Variants in PLA2R1 observed in about 807,000 individuals in gnomAD.
The protein encoded by PLA2R1 is secretory phospholipase A2 receptor.
Under a neutral mutation model 195.9 loss-of-function variants are expected in PLA2R1, and 158 were observed. That is an observed-to-expected ratio of 0.81 (90% confidence interval 0.71 to 0.92). The LOEUF (loss-of-function observed/expected upper bound fraction) is 0.92. PLA2R1 is among the 40% of genes least tolerant of loss of function. PLA2R1 has a pLI of 0.00. For synonymous variants in PLA2R1, 586 were observed against 598.2 expected (o/e 0.98, Z 0.30); for missense variants, 1,626 against 1,764.6 (o/e 0.92, Z 1.41).
chr2:159,928,554 A>G (rs1273146430), downstream of PLA2R1, among the ~76,000 whole-genome samples: 1 of 152,254 alleles, frequency 6.6e-6, no homozygotes, highest in Non-Finnish European at 1.5e-5. Context: ...GATAGGTGGA[A>G]TCAATATTGT....
intron 17 of PLA2R1, among the ~76,000 whole-genome samples, chr2:159,971,092 A>G (rs112809877): frequency 1.6e-4 from 25 of 152,334 alleles, no homozygotes; most frequent in African/African-American, 5.8e-4. Flanking sequence ...CCCAGAACTT[A>G]AAGTATAATA....
rs555088444 is a variant in PLA2R1 at position 160,043,141 on chromosome 2, C to T, written c.494-943G>A. Among the ~76,000 whole-genome samples the T allele has an allele frequency of 3.7e-4, 57 of 152,220 alleles. 1 individual carries two copies. The highest frequency in any genetic ancestry group is 1.3e-3 in the African/African-American group (54 of 41,540). On this transcript the variant is annotated intron_variant, in intron 2 of 29. Coordinates refer to ENST00000283243, the MANE Select transcript of PLA2R1 (RefSeq NM_007366.5). The stretch of plus-strand genomic sequence containing the variant: ...TGTCAGTGCACATAGAGCTGTCTCC[C>T]CGCCATACTGCGGGCTTTGGCCTCT...
intron 8 of PLA2R1, among the ~76,000 whole-genome samples, chr2:160,017,822 T>C (rs80271049): frequency 0.039 from 5,866 of 152,278 alleles, 135 homozygotes; most frequent in African/African-American, 0.058. Context: ...AGCCCTTCCA[T>C]GACCCTTAGA....
At chr2:159,955,590 ATAAATT>A (rs1435662551) in intron 22 of PLA2R1, 102 bp downstream of exon 22, 22 of 448,310 alleles carry the variant, frequency 4.9e-5, no homozygotes, top group African/African-American at 4.3e-4. Context: ...AAAAACTAAT[ATAAATT>A]TATACCTACA....
chr2:160,026,528 G>A (rs983452653), intron 6 of PLA2R1, among the ~76,000 whole-genome samples: 1 of 152,146 alleles, frequency 6.6e-6, no homozygotes, highest in Non-Finnish European at 1.5e-5. Context: ...ACAGTGCCAT[G>A]ATGTTTTGGA....
At chr2:159,960,526 T>C (rs1688369849) in intron 20 of PLA2R1, among the ~76,000 whole-genome samples, 1 of 152,090 alleles carries the variant, frequency 6.6e-6, no homozygotes, top group Non-Finnish European at 1.5e-5. Flanking sequence ...ATGCACAAAA[T>C]CAAATATTGA....
At position 160,042,097 on chromosome 2, in the gene PLA2R1, C is replaced by A; in HGVS notation, c.595G>T (p.Asp199Tyr). ...GTCGTGGCACACCACAGTAAGTCAT[C>A]TTCCCGACCTTCACGGGTACATTCA... ...HHECTREGRE[D>Y]DLLWCATTSR... Residue 199 changes from aspartate (D) to tyrosine (Y), a missense_variant, in exon 3 of 30, where the codon GAT (aspartate) becomes TAT (tyrosine). Transcript: ENST00000283243. The A allele has an allele frequency of 6.2e-7, 1 of 1,614,246 alleles. No individual in the cohort carries two copies. Among genetic ancestry groups the A allele is most frequent in the Non-Finnish European group, 8.5e-7 (1 of 1,180,022 alleles).
chr2:159,934,406 T>C lies in PLA2R1; in HGVS notation c.*7372A>G, dbSNP rs961208480. The C allele has an allele frequency of 6.6e-6, 1 of 152,188 alleles. No individual in the cohort carries two copies. The highest frequency in any genetic ancestry group is 2.4e-5 in the African/African-American group (1 of 41,432). 9.4% of individuals were successfully genotyped at this position (152,188 alleles called of 1,614,324 possible). ...TACAGCGGATGGTGTGTTAGGTAAG[T>C]TGGAGACACACAGGGTTTTGCCCTG... On this transcript the variant is annotated 3_prime_UTR_variant, in exon 30 of 30. Transcript: ENST00000283243.
At chr2:159,949,908 T>C in intron 24 of PLA2R1, 132 bp from the exon 25 acceptor site, 1 of 659,374 alleles carries the variant, frequency 1.5e-6, no homozygotes. Flanking sequence ...GGCTAGGACA[T>C]CTGTGAATAC....
At chr2:159,957,351 C>A (rs1688157095) in intron 20 of PLA2R1, among the ~76,000 whole-genome samples, 1 of 152,060 alleles carries the variant, frequency 6.6e-6, no homozygotes, top group Non-Finnish European at 1.5e-5. Context: ...GGTTTCTTTT[C>A]TTTTCTTTTT....
intron 6 of PLA2R1, among the ~76,000 whole-genome samples, chr2:160,025,900 T>G (rs769089346): frequency 3.9e-5 from 6 of 152,172 alleles, no homozygotes; most frequent in African/African-American, 7.2e-5. Context: ...GGAAAAAGGA[T>G]ACAAGTAGCA....
the PLA2R1 span, among the ~76,000 whole-genome samples, chr2:159,924,738 G>GGC: frequency 2.1e-5 from 3 of 142,060 alleles, no homozygotes; most frequent in Non-Finnish European, 4.5e-5. Context: ...CTGGGGGGGG[G>GGC]GCGGTGCGAA....
intron 23 of PLA2R1, among the ~76,000 whole-genome samples, chr2:159,954,090 C>T (rs1432453484): frequency 6.6e-6 from 1 of 152,152 alleles, no homozygotes; most frequent in Non-Finnish European, 1.5e-5. Context: ...CGCCTTGGTC[C>T]CCCAAAGGCT....
Position 159,996,142 on chromosome 2 carries a change from T to C in PLA2R1, c.1835-8784A>G, listed in dbSNP as rs139906779. ...TTCTCTGATGCTCCTTCTTTCTTTATATAGATCTGAGCTTCTATATCATTT... is the reference window on the plus strand; with the variant it reads ...TTCTCTGATGCTCCTTCTTTCTTTACATAGATCTGAGCTTCTATATCATTT... On this transcript the variant is annotated intron_variant, in intron 11 of 29. Coordinates refer to ENST00000283243, the MANE Select transcript of PLA2R1 (RefSeq NM_007366.5). Among the ~76,000 whole-genome samples, 757 of 152,250 alleles carry C rather than the reference T, an allele frequency of 5.0e-3. 8 individuals carry two copies. The highest frequency in any genetic ancestry group is 0.016 in the African/African-American group (656 of 41,572).
intron 17 of PLA2R1, among the ~76,000 whole-genome samples, chr2:159,971,977 G>C (rs1298465361): frequency 6.6e-6 from 1 of 152,130 alleles, no homozygotes; most frequent in African/African-American, 2.4e-5. Flanking sequence ...CCCATTGTCA[G>C]ACGTTGGAAT....
At chr2:160,027,078 C>T (rs1403086186) in intron 6 of PLA2R1, among the ~76,000 whole-genome samples, 2 of 152,170 alleles carry the variant, frequency 1.3e-5, no homozygotes, top group Non-Finnish European at 2.9e-5. Flanking sequence ...TGCAGTGAGC[C>T]AAGATCGTGC....
Position 160,062,043 on chromosome 2 carries a change from C to T in PLA2R1, c.109+252G>A, listed in dbSNP as rs540422939. Among the ~76,000 whole-genome samples, 4 of 152,184 alleles carry T rather than the reference C, an allele frequency of 2.6e-5. No homozygotes were observed. The South Asian group carries it at 8.3e-4, about 32-fold the overall frequency. ...TACCTGCGAGACCAAGCCCCCCCGC[C>T]CCCGCCGCCCGACCCCCGCAGGAGC... is the stretch of plus-strand genomic sequence containing the variant. On this transcript the variant is annotated intron_variant, in intron 1 of 29. Transcript: ENST00000283243.
intron 11 of PLA2R1, among the ~76,000 whole-genome samples, chr2:159,992,513 G>A (rs1460781388): frequency 6.7e-6 from 1 of 148,766 alleles, no homozygotes; most frequent in Non-Finnish European, 1.5e-5. Context: ...GGAAATAAAA[G>A]AGGATACAAA....
intron 28 of PLA2R1, among the ~76,000 whole-genome samples, chr2:159,944,665 C>A (rs934039046): frequency 6.6e-6 from 1 of 152,226 alleles, no homozygotes; most frequent in Non-Finnish European, 1.5e-5. Flanking sequence ...GGTGATCAAC[C>A]TGGGTGACAC....
Sources: allele counts gnomAD v4.1 joint callset (sites outside exome capture counted in the v4.1 genomes callset), GRCh38; gene constraint gnomAD v4.1.1; transcripts MANE v1.5; gene names NCBI Gene and HGNC (gene_info 2026-07-23, HGNC 2026-07-21).